Variants in CSMD1 observed in about 807,000 individuals in gnomAD.
CSMD1 encodes CUB and sushi domain-containing protein 1.
Under a neutral mutation model 417.5 loss-of-function variants are expected in CSMD1, and 213 were observed. The observed-to-expected ratio is 0.51, with a 90% confidence interval of 0.46 to 0.57. The LOEUF (loss-of-function observed/expected upper bound fraction) is 0.57, where lower values mean the gene tolerates loss of function less well. Ranked by LOEUF, CSMD1 falls within the 20% of genes least tolerant of loss-of-function variation. The pLI is 0.00. For missense variants in CSMD1, 6,923 were observed against 4,529.7 expected (o/e 1.53, Z -15.17); for synonymous variants, 2,862 against 1,736.8 (o/e 1.65, Z -16.11).
intron 1 of CSMD1, among the ~76,000 whole-genome samples, chr8:4,660,761 C>G: frequency 6.6e-6 from 1 of 151,900 alleles, no homozygotes; most frequent in East Asian, 1.9e-4. Flanking sequence ...CTATAAAGAA[C>G]TCTCAAAACT....
chr8:2,948,132 A>G (rs1196653329), intron 68 of CSMD1, among the ~76,000 whole-genome samples: 1 of 152,112 alleles, frequency 6.6e-6, no homozygotes, highest in Non-Finnish European at 1.5e-5. Flanking sequence ...TTCTACAAGT[A>G]GGAGAAATAT....
rs140593029 is a variant in CSMD1 at position 3,883,650 on chromosome 8, G to T, written c.818+114253C>A. Among the ~76,000 whole-genome samples, 17 of 152,162 alleles carry T rather than the reference G, an allele frequency of 1.1e-4. No individual in the cohort carries two copies. In the East Asian group the frequency reaches 2.9e-3, roughly 26 times the overall value. ...ATTATTAAAATTGATATCAATTACT[G>T]ATATTATTAATTTACACTAACTTCT... On this transcript the variant is annotated intron_variant, in intron 5 of 69. Transcript: ENST00000635120.
chr8:3,863,449 G>T (rs1585107418), intron 5 of CSMD1, among the ~76,000 whole-genome samples: 1 of 150,532 alleles, frequency 6.6e-6, no homozygotes. Context: ...GAATCTTCGT[G>T]ACTTAGTCTC....
chr8:4,617,488 G>C (rs1344084071), intron 2 of CSMD1, among the ~76,000 whole-genome samples: 1 of 152,090 alleles, frequency 6.6e-6, no homozygotes, highest in Non-Finnish European at 1.5e-5. Context: ...TAAACATTCT[G>C]GTAAATCACC....
intron 49 of CSMD1, among the ~76,000 whole-genome samples, chr8:3,054,573 A>T (rs919873099): frequency 6.6e-6 from 1 of 152,198 alleles, no homozygotes; most frequent in African/African-American, 2.4e-5. Context: ...AGCTGAAATT[A>T]TGCCAGTGCA....
chr8:3,532,585 G>T (rs1048704291), intron 10 of CSMD1, among the ~76,000 whole-genome samples: 2 of 152,118 alleles, frequency 1.3e-5, no homozygotes, highest in East Asian at 1.9e-4. Context: ...ATGAGTGATT[G>T]CATTCATGCC....
chr8:4,301,147 C>G (rs924225422), intron 3 of CSMD1, among the ~76,000 whole-genome samples: 3 of 152,090 alleles, frequency 2.0e-5, no homozygotes, highest in African/African-American at 7.2e-5. Context: ...TGAGCAGGAG[C>G]ATTGTTGTGA....
At chr8:4,410,887 G>T (rs1057460554) in intron 3 of CSMD1, among the ~76,000 whole-genome samples, 1 of 152,186 alleles carries the variant, frequency 6.6e-6, no homozygotes, top group African/African-American at 2.4e-5. Flanking sequence ...AGGGCTTAGA[G>T]GTTATAAGTT....
intron 5 of CSMD1, among the ~76,000 whole-genome samples, chr8:3,898,179 G>T (rs1245218086): frequency 1.3e-5 from 2 of 152,076 alleles, no homozygotes; most frequent in Non-Finnish European, 2.9e-5. Flanking sequence ...ATCCCTGCAA[G>T]CCATCCAGCA....
At chr8:3,903,708 C>A (rs1807918814) in intron 5 of CSMD1, among the ~76,000 whole-genome samples, 1 of 152,126 alleles carries the variant, frequency 6.6e-6, no homozygotes, top group South Asian at 2.1e-4. Context: ...GATACAGCAT[C>A]CTGAAAGAAG....
At chr8:4,209,541 C>T (rs1030849580) in intron 3 of CSMD1, among the ~76,000 whole-genome samples, 1 of 152,184 alleles carries the variant, frequency 6.6e-6, no homozygotes, top group African/African-American at 2.4e-5. Flanking sequence ...GCGTGAGATT[C>T]CTTGCTGCCA....
intron 3 of CSMD1, among the ~76,000 whole-genome samples, chr8:4,094,286 G>A (rs574111950): frequency 5.3e-5 from 8 of 152,232 alleles, no homozygotes; most frequent in African/African-American, 1.7e-4. Flanking sequence ...GGAGGCGGTA[G>A]GGAACAAGGA....
At chr8:3,881,991 C>A (rs564020662) in intron 5 of CSMD1, among the ~76,000 whole-genome samples, 2 of 152,064 alleles carry the variant, frequency 1.3e-5, no homozygotes, top group East Asian at 3.9e-4. Flanking sequence ...TAACCAATCA[C>A]GAGAGAATAT....
At chr8:3,641,090 G>C (rs1378643936) in intron 7 of CSMD1, among the ~76,000 whole-genome samples, 2 of 134,380 alleles carry the variant, frequency 1.5e-5, no homozygotes, top group African/African-American at 2.9e-5. Context: ...AGGACTCTGA[G>C]AAAGCCTTAA....
chr8:4,171,117 C>A (rs1364382667), intron 3 of CSMD1, among the ~76,000 whole-genome samples: 1 of 151,834 alleles, frequency 6.6e-6, no homozygotes. Context: ...CCCTTCAGCA[C>A]ACAAAGGTGA....
At chr8:4,125,499 C>A (rs1030108307) in intron 3 of CSMD1, among the ~76,000 whole-genome samples, 1 of 152,332 alleles carries the variant, frequency 6.6e-6, no homozygotes, top group Admixed American at 6.5e-5. Flanking sequence ...GCACTGGGTA[C>A]ACGTCGGCCG....
chr8:3,319,074 A>G (rs1001602793), intron 23 of CSMD1, among the ~76,000 whole-genome samples: 2 of 152,182 alleles, frequency 1.3e-5, no homozygotes, highest in African/African-American at 4.8e-5. Context: ...ACATACTGCA[A>G]AACAAACTGG....
At chr8:4,032,608 T>G (rs187880643) in intron 3 of CSMD1, among the ~76,000 whole-genome samples, 1 of 152,288 alleles carries the variant, frequency 6.6e-6, no homozygotes, top group East Asian at 1.9e-4. Flanking sequence ...GATAAGCAAT[T>G]GAATTAAATA....
At chr8:3,913,475 C>T (rs936343840) in intron 5 of CSMD1, among the ~76,000 whole-genome samples, 14 of 152,104 alleles carry the variant, frequency 9.2e-5, no homozygotes, top group Non-Finnish European at 1.3e-4. Flanking sequence ...AAGAAGCAAG[C>T]CCTTGGAATG....
Sources: allele counts gnomAD v4.1 joint callset (sites outside exome capture counted in the v4.1 genomes callset), GRCh38; gene constraint gnomAD v4.1.1; transcripts MANE v1.5; gene names NCBI Gene and HGNC (gene_info 2026-07-23, HGNC 2026-07-21).